SPTBN5: variants seen among roughly 807,000 people sequenced by gnomAD.
The protein encoded by SPTBN5 is spectrin beta, non-erythrocytic 5.
In SPTBN5, 513 loss-of-function variants were observed where a neutral mutation model predicts 477.6. The observed-to-expected ratio is 1.07, with a 90% CI of 1.00 to 1.16. The LOEUF is 1.16. SPTBN5 is among the 50% of genes most tolerant of loss of function. The pLI, the probability that SPTBN5 is intolerant of heterozygous loss-of-function variation, is 0.00. For synonymous variants in SPTBN5, 2,169 were observed against 2,011.7 expected (o/e 1.08, Z -2.09); for missense variants, 5,062 against 4,731.8 (o/e 1.07, Z -2.05).
Position 41,873,897 on chromosome 15 carries a change from C to T in SPTBN5, c.4838G>A (p.Arg1613Lys), listed in dbSNP as rs1455100241. ...ELEGHWAELE[R>K]ACEARAQCLQ... ...ACACTGGGCCCGCGCTTCACATGCC[C>T]TCTCCAGCTCTGCCCAGTGGCCTTC... The change falls in exon 25 of 68, where the codon AGG (arginine) becomes AAG (lysine). Residue 1613 changes from arginine to lysine, a missense_variant. By Grantham distance (26) the Arg-to-Lys change is conservative. Coordinates refer to ENST00000320955, the MANE Select transcript of SPTBN5 (RefSeq NM_016642.4). 6.2e-7 allele frequency: 1 copy of T among 1,611,478 alleles called. No homozygotes were observed. Among genetic ancestry groups the T allele is most frequent in the Non-Finnish European group, 8.5e-7 (1 of 1,179,894 alleles).
Position 41,863,918 on chromosome 15 carries a change from A to G in SPTBN5, c.7025T>C (p.Leu2342Pro). 1 of 1,613,724 alleles carries G rather than the reference A, an allele frequency of 6.2e-7. No individual in the cohort carries two copies. Among genetic ancestry groups the G allele is most frequent in the Non-Finnish European group, 8.5e-7 (1 of 1,179,820 alleles). Residue 2342 changes from leucine to proline, a missense_variant, in exon 40 of 68, where the codon CTC (leucine) becomes CCC (proline). Physicochemically the swap from Leu to Pro is moderately conservative, Grantham distance 98. Coordinates refer to ENST00000320955, the MANE Select transcript of SPTBN5 (RefSeq NM_016642.4). ...VKIICQRRSQ[L>P]NNRWASFHGN... Reference sequence around the variant, plus strand: ...CCAGCCTGGGACTGGCCTGTTGTTGAGCTGGCTTCGCCGCTGGCAGATGAT... The same window carrying G: ...CCAGCCTGGGACTGGCCTGTTGTTGGGCTGGCTTCGCCGCTGGCAGATGAT...
At chr15:41,893,761 C>T in intron 1 of SPTBN5, 138 bp downstream of exon 1, 1 of 586,426 alleles carries the variant, frequency 1.7e-6, no homozygotes, top group South Asian at 2.2e-5. Context: ...CTCAGAGCCC[C>T]TGCTGCCAGG....
At chr15:41,854,268 G>A (rs1227314153) in intron 56 of SPTBN5, 63 bp from the exon 57 acceptor site, 1 of 1,534,540 alleles carries the variant, frequency 6.5e-7, no homozygotes, top group Non-Finnish European at 8.8e-7. Context: ...TTTCTCCCTG[G>A]AGACATGGCC....
At chr15:41,850,707 C>A (rs1209698684) in intron 66 of SPTBN5, 147 bp downstream of exon 66, 72 of 739,640 alleles carry the variant, frequency 9.7e-5, no homozygotes, top group Non-Finnish European at 9.5e-5. Flanking sequence ...GACCTAAATT[C>A]TTTGAGGAAA....
intron 54 of SPTBN5, 54 bp from the exon 55 acceptor site, chr15:41,855,482 C>T (rs2065906135): frequency 1.8e-5 from 29 of 1,591,142 alleles, no homozygotes; most frequent in Non-Finnish European, 2.3e-5. Context: ...CAGGCTGGAG[C>T]AGTCTCCTGC....
At position 41,879,268 on chromosome 15, in the gene SPTBN5, C is replaced by G. The variant is rs924336408; in HGVS notation, c.3174G>C (p.Val1058=). ...CACTGCGCTGGCCGTACTTTACGAC[C>G]ACACTTTGGAGGAAGTGGACCCTCC... is the stretch of plus-strand genomic sequence containing the variant. ...LERRVHFLQS[V]VVKVEEPGYA... The change falls in exon 16 of 68, where the codon GTG becomes GTC. Residue 1058 remains valine (V), a synonymous_variant. Transcript: ENST00000320955. 1.9e-6 allele frequency: 3 copies of G among 1,611,020 alleles called. No homozygotes were observed. The highest frequency in any genetic ancestry group is 2.5e-6 in the Non-Finnish European group (3 of 1,179,250).
At chr15:41,851,442 C>G in intron 63 of SPTBN5, 73 bp from the exon 64 acceptor site, 1 of 1,119,922 alleles carries the variant, frequency 8.9e-7, no homozygotes, top group Non-Finnish European at 1.3e-6. Context: ...CCACGCCTCA[C>G]CATGTGTGTG....
At position 41,863,995 on chromosome 15, in the gene SPTBN5, G is replaced by C; in HGVS notation, c.6948C>G (p.Ser2316Arg). The change falls in exon 40 of 68, where the codon AGC becomes AGG. Residue 2316 changes from serine (S) to arginine (R), a missense_variant. Ser to Arg is a moderately radical substitution (Grantham distance 110, BLOSUM62 -1). Transcript: ENST00000320955. ...TGAGCTGCAGTGACAAGTCACTGAT[G>C]CTCCTGATGCAGGCATCACCCACTG... is the stretch of plus-strand genomic sequence containing the variant. ...GDTVGDACIR[S>R]ISDLSLQLKN... 2 of 1,613,632 alleles carry C rather than the reference G, an allele frequency of 1.2e-6. No individual in the cohort carries two copies. The highest frequency in any genetic ancestry group is 1.1e-5 in the South Asian group (1 of 91,058).
rs752823961 is a variant in SPTBN5 at position 41,874,285 on chromosome 15, C to T, written c.4689+7G>A. The stretch of plus-strand genomic sequence containing the variant: ...CGGTAATCCTGTAGGAAGAAGAGGG[C>T]TATTACCTTGTGCTTGCGGTGAAGG... On this transcript the variant is annotated splice_region_variant and intron_variant, in intron 24 of 67. Transcript: ENST00000320955. 1.2e-6 allele frequency: 2 copies of T among 1,606,446 alleles called. No homozygotes were observed. Among genetic ancestry groups the T allele is most frequent in the Non-Finnish European group, 1.7e-6 (2 of 1,176,130 alleles).
Position 41,863,987 on chromosome 15 carries a change from T to C in SPTBN5, c.6956A>G (p.Asp2319Gly), listed in dbSNP as rs1174097500. Residue 2319 changes from aspartate to glycine, a missense_variant, in exon 40 of 68, where the codon GAC becomes GGC. Asp to Gly is a moderately conservative substitution (Grantham distance 94). Transcript: ENST00000320955. ...VGDACIRSIS[D>G]LSLQLKNRDP... ...CCGGTTCTTGAGCTGCAGTGACAAGTCACTGATGCTCCTGATGCAGGCATC... is the reference window on the plus strand; with the variant it reads ...CCGGTTCTTGAGCTGCAGTGACAAGCCACTGATGCTCCTGATGCAGGCATC... The C allele has an allele frequency of 6.2e-7, 1 of 1,613,760 alleles. No homozygotes were observed. The highest frequency in any genetic ancestry group is 1.1e-5 in the South Asian group (1 of 91,080).
chr15:41,873,638 G>A, intron 25 of SPTBN5, 30 bp from the exon 26 acceptor site: 1 of 1,534,458 alleles, frequency 6.5e-7, no homozygotes, highest in South Asian at 1.2e-5. Flanking sequence ...CTCACCTGGA[G>A]GATCTCAGAC....
At chr15:41,863,525 G>C (rs1266156220) in intron 41 of SPTBN5, among the ~76,000 whole-genome samples, 179 bp downstream of exon 41, 2 of 152,166 alleles carry the variant, frequency 1.3e-5, no homozygotes, top group Non-Finnish European at 2.9e-5. Flanking sequence ...GTCCTGAGTT[G>C]ATCCTGAGGG....
At chr15:41,849,099 C>A (rs573552007) in intron 67 of SPTBN5, among the ~76,000 whole-genome samples, 3 of 152,358 alleles carry the variant, frequency 2.0e-5, no homozygotes, top group African/African-American at 7.2e-5. Flanking sequence ...CTAGGCACAT[C>A]CTGGCATGGG....
rs577417964 is a variant in SPTBN5, at chr15:41,867,108, G to A, written c.6331C>T (p.Arg2111Trp). Reference sequence around the variant, plus strand: ...CGGGGGCGCCGGAGCGTCTTCAGCCGCTCACGCAGGGCTGCCTCCTGTGGG... The same window carrying A: ...CGGGGGCGCCGGAGCGTCTTCAGCCACTCACGCAGGGCTGCCTCCTGTGGG... ...QDKKEAALRE[R>W]LKTLRRPRVR... Residue 2111 changes from arginine (R) to tryptophan (W), a missense_variant, in exon 36 of 68, where the codon CGG becomes TGG. By Grantham distance (101) the Arg-to-Trp change is moderately radical. Transcript: ENST00000320955. 178 of 1,537,796 alleles carry A rather than the reference G, an allele frequency of 1.2e-4. No homozygotes were observed. The East Asian group carries it at 2.8e-3, about 24-fold the overall frequency.
At chr15:41,853,950 A>G in intron 57 of SPTBN5, 100 bp downstream of exon 57, 1 of 1,455,256 alleles carries the variant, frequency 6.9e-7, no homozygotes, top group Non-Finnish European at 9.1e-7. Context: ...TCTGGAGAAG[A>G]GGCTGAAGCA....
intron 3 of SPTBN5, among the ~76,000 whole-genome samples, chr15:41,891,754 G>A (rs1279212469): frequency 1.3e-5 from 2 of 152,164 alleles, no homozygotes; most frequent in African/African-American, 2.4e-5. Flanking sequence ...CAGGGCATGG[G>A]AGCATCTCCA....
At chr15:41,855,187 GC>G in intron 55 of SPTBN5, 36 bp downstream of exon 55, 1 of 1,581,022 alleles carries the variant, frequency 6.3e-7, no homozygotes, top group Non-Finnish European at 8.6e-7. Context: ...CTCAGCCTCT[GC>G]CCACTCCCCG....
intron 28 of SPTBN5, 113 bp from the exon 29 acceptor site, chr15:41,871,633 G>A (rs1318615698): frequency 5.7e-6 from 8 of 1,409,752 alleles, no homozygotes; most frequent in Admixed American, 3.0e-5. Flanking sequence ...GGATAGCCAC[G>A]GCGTCTGCCC....
chr15:41,872,587 T>G (rs1455227740), intron 26 of SPTBN5, 128 bp from the exon 27 acceptor site: 10 of 958,502 alleles, frequency 1.0e-5, no homozygotes, highest in Non-Finnish European at 1.5e-5. Flanking sequence ...TCCATCTACC[T>G]CAACTCATTC....
Sources: allele counts gnomAD v4.1 joint callset (sites outside exome capture counted in the v4.1 genomes callset), GRCh38; gene constraint gnomAD v4.1.1; transcripts MANE v1.5; gene names NCBI Gene and HGNC (gene_info 2026-07-23, HGNC 2026-07-21).